The following MACROD2 variants were observed in gnomAD, a reference collection of about 807,000 sequenced individuals.
The protein encoded by MACROD2 is ADP-ribose glycohydrolase MACROD2.
MACROD2 carries 36 observed loss-of-function variants against 70.4 expected under a neutral mutation model. That is an observed-to-expected ratio of 0.51 (90% confidence interval 0.39 to 0.68). The LOEUF is 0.68. Among genes scored for constraint, MACROD2 ranks in the 30% least tolerant of loss-of-function variants. MACROD2 has a pLI of 0.00. For missense variants in MACROD2, 496 were observed against 538.4 expected (o/e 0.92, Z 0.78); for synonymous variants, 172 against 178.8 (o/e 0.96, Z 0.30).
intron 13 of MACROD2, among the ~76,000 whole-genome samples, chr20:15,969,300 C>G (rs1179892581): frequency 6.6e-6 from 1 of 151,612 alleles, no homozygotes; most frequent in East Asian, 1.9e-4. Context: ...AATATAATGT[C>G]CAGCACACAC....
intron 3 of MACROD2, among the ~76,000 whole-genome samples, chr20:14,160,462 C>T (rs1052918299): frequency 1.3e-5 from 2 of 152,080 alleles, no homozygotes; most frequent in Admixed American, 6.5e-5. Flanking sequence ...GTTGTATGTA[C>T]CAGAAATTTA....
intron 7 of MACROD2, among the ~76,000 whole-genome samples, chr20:15,440,762 G>T (rs781138912): frequency 1.1e-4 from 16 of 152,114 alleles, no homozygotes; most frequent in Non-Finnish European, 1.9e-4. Context: ...ACAAAATTAT[G>T]CACCCCTTCC....
intron 13 of MACROD2, among the ~76,000 whole-genome samples, chr20:15,973,367 C>T (rs182897784): frequency 2.0e-5 from 3 of 152,246 alleles, no homozygotes; most frequent in South Asian, 4.1e-4. Context: ...GCACATTAGC[C>T]TGACTCCATA....
At chr20:14,929,130 C>T (rs533742488) in intron 5 of MACROD2, among the ~76,000 whole-genome samples, 1 of 152,152 alleles carries the variant, frequency 6.6e-6, no homozygotes, top group African/African-American at 2.4e-5. Context: ...GGATTTTCTA[C>T]ACATTACAAT....
At chr20:14,372,683 G>A (rs972246299) in intron 3 of MACROD2, among the ~76,000 whole-genome samples, 11 of 151,968 alleles carry the variant, frequency 7.2e-5, no homozygotes, top group Non-Finnish European at 1.5e-4. Flanking sequence ...CTTAGTTATG[G>A]TAGACTTCCA....
intron 5 of MACROD2, among the ~76,000 whole-genome samples, chr20:15,097,027 G>A (rs553417860): frequency 2.0e-5 from 3 of 151,758 alleles, no homozygotes; most frequent in South Asian, 2.1e-4. Context: ...GGCCAGGCTC[G>A]TCTCGAACTC....
intron 3 of MACROD2, among the ~76,000 whole-genome samples, chr20:14,231,797 C>A (rs1224710225): frequency 8.5e-5 from 13 of 152,070 alleles, no homozygotes; most frequent in Non-Finnish European, 1.8e-4. Flanking sequence ...CCTCTCCAGC[C>A]CCTGTTGTTT....
chr20:14,854,802 G>A (rs376529356), intron 5 of MACROD2, among the ~76,000 whole-genome samples: 7 of 152,070 alleles, frequency 4.6e-5, no homozygotes, highest in Non-Finnish European at 8.8e-5. Flanking sequence ...GGATCACAAG[G>A]CCAGGAGATC....
intron 4 of MACROD2, among the ~76,000 whole-genome samples, chr20:14,675,937 T>C (rs571072532): frequency 3.3e-5 from 5 of 151,678 alleles, no homozygotes; most frequent in East Asian, 3.9e-4. Context: ...CCAACAAAGA[T>C]TAAAAAAAAG....
chr20:14,476,010 T>A (rs2084590425), intron 3 of MACROD2, among the ~76,000 whole-genome samples: 1 of 152,160 alleles, frequency 6.6e-6, no homozygotes, highest in Admixed American at 6.5e-5. Flanking sequence ...TCTATATAAA[T>A]GAATATTTAG....
At chr20:14,272,764 G>A (rs2082208572) in intron 3 of MACROD2, among the ~76,000 whole-genome samples, 2 of 152,142 alleles carry the variant, frequency 1.3e-5, no homozygotes, top group African/African-American at 4.8e-5. Context: ...CACATGCAGA[G>A]ACACACATAA....
At chr20:15,216,421 AAAAAAT>A (rs2076810724) in intron 5 of MACROD2, among the ~76,000 whole-genome samples, 2 of 152,150 alleles carry the variant, frequency 1.3e-5, no homozygotes, top group African/African-American at 2.4e-5. Flanking sequence ...TGGAAAGGAG[AAAAAAT>A]AAAAATAAAA....
intron 5 of MACROD2, among the ~76,000 whole-genome samples, chr20:15,206,726 T>TTTTTGTTTTTG (rs2076708572): frequency 3.2e-5 from 2 of 61,674 alleles, no homozygotes; most frequent in African/African-American, 2.0e-4. Flanking sequence ...TCTATGTTTT[T>TTTTTGTTTTTG]TTTTTTTTTT....
intron 8 of MACROD2, among the ~76,000 whole-genome samples, chr20:15,517,266 C>T (rs1437859988): frequency 4.6e-5 from 7 of 152,030 alleles, no homozygotes; most frequent in African/African-American, 7.2e-5. Context: ...ATTTGCAGGT[C>T]CCCCCACTTA....
chr20:15,560,300 T>C (rs2048224498), intron 8 of MACROD2, among the ~76,000 whole-genome samples: 1 of 152,186 alleles, frequency 6.6e-6, no homozygotes, highest in Non-Finnish European at 1.5e-5. Context: ...TCTGTACTAC[T>C]CAGGTCACTC....
At chr20:14,223,791 C>T (rs1357938486) in intron 3 of MACROD2, among the ~76,000 whole-genome samples, 1 of 152,118 alleles carries the variant, frequency 6.6e-6, no homozygotes, top group Admixed American at 6.5e-5. Flanking sequence ...AGCCACCGCG[C>T]CTGGCCTCTA....
At chr20:14,177,457 C>T (rs2081272187) in intron 3 of MACROD2, among the ~76,000 whole-genome samples, 3 of 152,008 alleles carry the variant, frequency 2.0e-5, no homozygotes, top group Admixed American at 2.0e-4. Context: ...GCTGGGATTA[C>T]AGGTATGCAC....
At chr20:15,389,749 C>T (rs913524658) in intron 6 of MACROD2, among the ~76,000 whole-genome samples, 6 of 152,144 alleles carry the variant, frequency 3.9e-5, no homozygotes, top group African/African-American at 1.4e-4. Context: ...TAAGAATGTG[C>T]TCAGTTCTCT....
At chr20:14,605,778 G>T (rs1982761312) in intron 4 of MACROD2, among the ~76,000 whole-genome samples, 1 of 151,458 alleles carries the variant, frequency 6.6e-6, no homozygotes, top group African/African-American at 2.4e-5. Context: ...TTGACTTATT[G>T]TTTTATGATA....
Sources: gnomAD v4.1 joint callset for allele counts (sites outside exome capture counted in the v4.1 genomes callset) on GRCh38, gnomAD v4.1.1 for gene constraint, MANE v1.5 for transcripts, NCBI Gene and HGNC (gene_info 2026-07-23, HGNC 2026-07-21) for gene names.